DOCK1: variants seen among roughly 807,000 people sequenced by gnomAD.
DOCK1 encodes dedicator of cytokinesis protein 1.
A neutral mutation model predicts 262.7 loss-of-function variants in DOCK1; 138 were observed. That is an observed-to-expected ratio of 0.53 (90% CI 0.46 to 0.61). The LOEUF (loss-of-function observed/expected upper bound fraction) is 0.61, where lower values mean the gene tolerates loss of function less well. DOCK1 is among the 20% of genes least tolerant of loss of function. DOCK1 has a pLI of 0.00. For missense variants in DOCK1, 1,908 were observed against 2,370.7 expected (o/e 0.80, Z 4.05); for synonymous variants, 866 against 867.4 (o/e 1.00, Z 0.03).
At position 127,043,110 on chromosome 10, in the gene DOCK1, A is replaced by T; in HGVS notation, c.2147A>T (p.Asn716Ile). Residue 716 changes from asparagine (N) to isoleucine (I), a missense_variant, in exon 21 of 52, where the codon AAT becomes ATT. Around this residue, in one of 9 missense-constraint regions of DOCK1, gnomAD observed 294 missense variants for 439.9 expected, o/e 0.67. Coordinates refer to ENST00000623213, the MANE Select transcript of DOCK1 (RefSeq NM_001290223.2). ...LIADRKFQHF[N>I]PVLETYIKKH... ...GCTGATAGAAAATTTCAGCATTTTA[A>T]TCCTGTTTTGGAAACTTACATTAAG... is the stretch of plus-strand genomic sequence containing the variant. 1 of 1,611,360 alleles carries T rather than the reference A, an allele frequency of 6.2e-7. No individual in the cohort carries two copies. The highest frequency in any genetic ancestry group is 1.1e-5 in the South Asian group (1 of 90,400).
chr10:127,257,278 T>C, intron 28 of DOCK1, 57 bp from the exon 29 acceptor site: 3 of 1,335,212 alleles, frequency 2.2e-6, no homozygotes, highest in Non-Finnish European at 3.1e-6. Flanking sequence ...GACAGGAGGG[T>C]ATCATGTTTA....
rs753234622 is a variant in DOCK1, at chr10:127,384,830, A to G, written c.3848A>G (p.Asp1283Gly). 16 of 1,608,660 alleles carry G rather than the reference A, an allele frequency of 9.9e-6. No homozygotes were observed. The highest frequency in any genetic ancestry group is 5.4e-5 in the African/African-American group (4 of 74,582). The part of the protein sequence containing the change: ...DVCVAHLTQR[D>G]GYQATTQGQL... ...TGTGTGGCCCACCTCACCCAGCGGGACGGGTACCAGGCCACCACGCAGGGA... is the reference window on the plus strand; with the variant it reads ...TGTGTGGCCCACCTCACCCAGCGGGGCGGGTACCAGGCCACCACGCAGGGA... Residue 1283 changes from aspartate to glycine, a missense_variant, in exon 38 of 52, where the codon GAC becomes GGC. By Grantham distance (94) the Asp-to-Gly change is moderately conservative (BLOSUM62 -1). Around this residue, in one of 9 missense-constraint regions of DOCK1, gnomAD observed 267 missense variants for 366.3 expected, o/e 0.73. Transcript: ENST00000623213.
At chr10:127,161,231 G>A (rs559383988) in intron 27 of DOCK1, among the ~76,000 whole-genome samples, 1 of 152,334 alleles carries the variant, frequency 6.6e-6, no homozygotes, top group African/African-American at 2.4e-5. Context: ...CATTGTCTTA[G>A]CATTTGAGCT....
chr10:127,196,863 C>T (rs1476218140), intron 27 of DOCK1, among the ~76,000 whole-genome samples: 1 of 151,910 alleles, frequency 6.6e-6, no homozygotes, highest in African/African-American at 2.4e-5. Context: ...TGAGTCTACC[C>T]TGGAGCCGCC....
chr10:127,023,872 A>G (rs1289243076), intron 14 of DOCK1, among the ~76,000 whole-genome samples: 3 of 152,352 alleles, frequency 2.0e-5, no homozygotes, highest in East Asian at 3.9e-4. Context: ...GAGATGAAGA[A>G]AAATGAAGGC....
At chr10:127,297,066 C>T (rs998677336) in intron 29 of DOCK1, among the ~76,000 whole-genome samples, 2 of 152,008 alleles carry the variant, frequency 1.3e-5, no homozygotes, top group African/African-American at 2.4e-5. Context: ...GCATCAGCCA[C>T]GGTGTGCAGA....
chr10:127,303,952 G>A (rs866841257), intron 29 of DOCK1, among the ~76,000 whole-genome samples: 3 of 152,214 alleles, frequency 2.0e-5, no homozygotes, highest in South Asian at 2.1e-4. Flanking sequence ...AACCCAGTGC[G>A]GGCTTATCAA....
intron 25 of DOCK1, 114 bp downstream of exon 25, chr10:127,110,468 C>A: frequency 1.1e-6 from 1 of 882,970 alleles, no homozygotes. Flanking sequence ...CCAATTAAAA[C>A]TGCTGTATTA....
At chr10:127,201,071 C>T (rs1275002169) in intron 27 of DOCK1, among the ~76,000 whole-genome samples, 1 of 152,250 alleles carries the variant, frequency 6.6e-6, no homozygotes, top group African/African-American at 2.4e-5. Flanking sequence ...CTCATATCGC[C>T]TTCGACCTGT....
intron 27 of DOCK1, among the ~76,000 whole-genome samples, chr10:127,228,391 T>A (rs1017622779): frequency 6.6e-6 from 1 of 152,200 alleles, no homozygotes; most frequent in Non-Finnish European, 1.5e-5. Flanking sequence ...TTTCATCTGC[T>A]GGGTGGTGAC....
intron 31 of DOCK1, among the ~76,000 whole-genome samples, chr10:127,349,036 G>T (rs1042234077): frequency 1.3e-5 from 2 of 152,096 alleles, no homozygotes; most frequent in African/African-American, 4.8e-5. Context: ...AGTCAGAAAA[G>T]CTCACTGTGT....
intron 4 of DOCK1, among the ~76,000 whole-genome samples, chr10:126,983,094 TC>T (rs981191577): frequency 2.0e-5 from 3 of 152,234 alleles, no homozygotes; most frequent in Admixed American, 1.3e-4. Context: ...TGGTTCCTGT[TC>T]CTGGGCCTTC....
intron 23 of DOCK1, among the ~76,000 whole-genome samples, chr10:127,067,651 C>T (rs1181623987): frequency 6.6e-6 from 1 of 151,902 alleles, no homozygotes; most frequent in African/African-American, 2.4e-5. Context: ...CTATTCTAGA[C>T]TAATGTATTT....
intron 33 of DOCK1, among the ~76,000 whole-genome samples, chr10:127,373,233 T>G (rs541810927): frequency 7.9e-5 from 12 of 152,296 alleles, no homozygotes; most frequent in Non-Finnish European, 1.2e-4. Flanking sequence ...CTTCTTGAGG[T>G]GCCTGCTGGT....
intron 1 of DOCK1, among the ~76,000 whole-genome samples, chr10:126,906,726 C>G (rs1457345668): frequency 1.3e-5 from 2 of 152,210 alleles, no homozygotes; most frequent in Non-Finnish European, 2.9e-5. Flanking sequence ...GGCTCTCTGA[C>G]TTTTGGGAAG....
intron 23 of DOCK1, among the ~76,000 whole-genome samples, chr10:127,097,990 C>T (rs2048010177): frequency 6.6e-6 from 1 of 152,174 alleles, no homozygotes; most frequent in Non-Finnish European, 1.5e-5. Flanking sequence ...TGGGGACATC[C>T]CACGGACTTT....
At chr10:127,328,119 C>CAAAAAAAAAAAAAAAAAAA (rs11301683) in intron 29 of DOCK1, among the ~76,000 whole-genome samples, 1 of 72,534 alleles carries the variant, frequency 1.4e-5, no homozygotes. Context: ...TACAAATGGG[C>CAAAAAAAAAAAAAAAAAAA]AAAAAAAAAA....
chr10:127,240,086 AT>A, intron 27 of DOCK1, among the ~76,000 whole-genome samples: 1 of 152,238 alleles, frequency 6.6e-6, no homozygotes, highest in East Asian at 1.9e-4. Context: ...AATGAAATCG[AT>A]TTTGTTTTTA....
intron 27 of DOCK1, among the ~76,000 whole-genome samples, chr10:127,189,207 A>G (rs747053262): frequency 5.9e-5 from 9 of 152,246 alleles, no homozygotes; most frequent in Non-Finnish European, 1.2e-4. Flanking sequence ...TCTTAGACTT[A>G]TACTTTAAAG....
Sources: allele counts gnomAD v4.1 joint callset (sites outside exome capture counted in the v4.1 genomes callset), GRCh38; gene constraint gnomAD v4.1.1; regional missense constraint gnomAD v4.1.1; transcripts MANE v1.5; gene names NCBI Gene and HGNC (gene_info 2026-07-23, HGNC 2026-07-21).